The following FLACC1 variants were observed in gnomAD, a reference collection of about 807,000 sequenced individuals.
The protein encoded by FLACC1 is flagellum-associated coiled-coil domain-containing protein 1.
FLACC1 carries 66 observed loss-of-function variants against 62.8 expected under a neutral mutation model. That is an observed-to-expected ratio of 1.05 (90% CI 0.86 to 1.29). The LOEUF (loss-of-function observed/expected upper bound fraction) is 1.29, where lower values mean the gene tolerates loss of function less well. Ranked by LOEUF, FLACC1 falls within the 50% of genes most tolerant of loss-of-function variation. The pLI is 0.00. For synonymous variants in FLACC1, 156 were observed against 161.0 expected, an observed-to-expected ratio of 0.97 and a Z score of 0.24; for missense variants, 452 against 489.1, an observed-to-expected ratio of 0.92 and a Z score of 0.71.
At chr2:201,330,151 C>A (rs1950563255) in intron 9 of FLACC1, among the ~76,000 whole-genome samples, 1 of 152,176 alleles carries the variant, frequency 6.6e-6, no homozygotes, top group South Asian at 2.1e-4. Flanking sequence ...GCAGTTCTAA[C>A]AAAGTACAAA....
intron 12 of FLACC1, 42 bp downstream of exon 12, chr2:201,299,196 T>C (rs1421487051): frequency 6.4e-7 from 1 of 1,558,690 alleles, no homozygotes; most frequent in East Asian, 2.2e-5. Flanking sequence ...ATTGGTGTAT[T>C]TGTAATATAC....
intron 11 of FLACC1, among the ~76,000 whole-genome samples, chr2:201,304,347 T>A (rs1174887445): frequency 2.0e-5 from 3 of 151,896 alleles, no homozygotes; most frequent in Non-Finnish European, 4.4e-5. Flanking sequence ...TCAAAGAGAA[T>A]AAAATACCTA....
intron 5 of FLACC1, 41 bp from the exon 6 acceptor site, chr2:201,344,304 C>T (rs1355031277): frequency 6.6e-7 from 1 of 1,512,508 alleles, no homozygotes; most frequent in South Asian, 1.1e-5. Flanking sequence ...CAAAGCTTAC[C>T]ATTCCATGCC....
rs1020962237 is a variant in FLACC1, at chr2:201,307,647, T to C, written c.776-25A>G. 4 of 1,520,156 alleles carry C rather than the reference T, an allele frequency of 2.6e-6. No homozygotes were observed. In the African/African-American group the frequency reaches 4.1e-5, roughly 16 times the overall value. The allele number at this position is 1,520,156 out of a possible 1,614,324, so 94.2% of individuals were successfully genotyped here. ...TCTGTGGAAGTGACAGGAAAGCACA[T>C]ATATGTGTAAAGATGGGAAAAGCAG... On this transcript the variant is annotated intron_variant, in intron 10 of 14. Transcript: ENST00000392257.
intron 7 of FLACC1, among the ~76,000 whole-genome samples, chr2:201,331,293 C>A (rs1383006445): frequency 6.6e-6 from 1 of 152,042 alleles, no homozygotes; most frequent in Non-Finnish European, 1.5e-5. Flanking sequence ...CTTCCTGAAG[C>A]ATTATCCTGG....
intron 7 of FLACC1, among the ~76,000 whole-genome samples, chr2:201,331,962 G>A (rs1292931784): frequency 1.3e-5 from 2 of 152,156 alleles, no homozygotes; most frequent in East Asian, 3.8e-4. Context: ...GGGGCAGTAA[G>A]TATATGGGAA....
intron 7 of FLACC1, among the ~76,000 whole-genome samples, chr2:201,336,461 A>G (rs1290305344): frequency 6.6e-6 from 1 of 152,194 alleles, no homozygotes; most frequent in Non-Finnish European, 1.5e-5. Context: ...TAGTGATGTG[A>G]TGAACAAACG....
At chr2:201,313,367 G>C (rs899915185) in intron 9 of FLACC1, among the ~76,000 whole-genome samples, 1 of 152,160 alleles carries the variant, frequency 6.6e-6, no homozygotes, top group East Asian at 1.9e-4. Context: ...GTACTACTGG[G>C]TTGGGGGCAT....
chr2:201,332,721 AC>A (rs1950618947), intron 7 of FLACC1, among the ~76,000 whole-genome samples: 1 of 144,400 alleles, frequency 6.9e-6, no homozygotes, highest in Admixed American at 7.0e-5. Flanking sequence ...TATTCCCCCC[AC>A]CCCCTAGTCT....
intron 9 of FLACC1, among the ~76,000 whole-genome samples, chr2:201,309,925 A>AAAAAAAAAAAAAAAAAAAAACAAG (rs764506462): frequency 1.0e-5 from 1 of 99,392 alleles, no homozygotes; most frequent in Non-Finnish European, 2.3e-5. Context: ...AAAAAAAAAA[A>AAAAAAAAAAAAAAAAAAAAACAAG]AAGAAGAAGA....
chr2:201,330,823 C>T lies in FLACC1; in HGVS notation c.535G>A (p.Glu179Lys). ...NFENKNRELKEAHEAELSELE... is the reference protein window; with the variant it reads ...NFENKNRELKKAHEAELSELE... The stretch of plus-strand genomic sequence containing the variant: ...TCACTGAGTTCTGCTTCATGGGCCT[C>T]TTTGAGCTCCCTGTGGGACCCCAGG... Residue 179 changes from glutamate (E) to lysine (K), a missense_variant, in exon 8 of 15, where the codon GAG becomes AAG. Physicochemically the swap from Glu to Lys is moderately conservative, Grantham distance 56 (BLOSUM62 1). This residue lies in a region of FLACC1 where 301 missense variants were observed against 318.4 expected (regional missense o/e 0.95). Transcript: ENST00000392257. 6.2e-7 allele frequency: 1 copy of T among 1,613,080 alleles called. No individual in the cohort carries two copies. The highest frequency in any genetic ancestry group is 1.3e-5 in the African/African-American group (1 of 75,008).
chr2:201,297,546 G>C (rs746908413), intron 12 of FLACC1, among the ~76,000 whole-genome samples: 5 of 152,218 alleles, frequency 3.3e-5, no homozygotes, highest in Admixed American at 6.5e-5. Flanking sequence ...GTTGCAAGGA[G>C]AGAATGATCA....
At chr2:201,325,202 C>T (rs766873122) in intron 9 of FLACC1, among the ~76,000 whole-genome samples, 11 of 152,014 alleles carry the variant, frequency 7.2e-5, no homozygotes, top group Non-Finnish European at 1.3e-4. Flanking sequence ...TAGTGCTAAA[C>T]GCCTGCATCA....
chr2:201,292,396 T>C (rs949121987), intron 12 of FLACC1, among the ~76,000 whole-genome samples: 6 of 152,214 alleles, frequency 3.9e-5, no homozygotes, highest in Non-Finnish European at 8.8e-5. Context: ...AAAAGAATTT[T>C]CAACCCAGAA....
At position 201,288,674 on chromosome 2, in the gene FLACC1, T is replaced by C; in HGVS notation, c.1250A>G (p.Lys417Arg). 1 of 1,614,002 alleles carries C rather than the reference T, an allele frequency of 6.2e-7. No individual in the cohort carries two copies. Among genetic ancestry groups the C allele is most frequent in the Non-Finnish European group, 8.5e-7 (1 of 1,179,936 alleles). Residue 417 changes from lysine to arginine, a missense_variant, in exon 15 of 15, where the codon AAG becomes AGG. Physicochemically the swap from Lys to Arg is conservative, Grantham distance 26. Around this residue, in one of 3 missense-constraint regions of FLACC1, gnomAD observed 301 missense variants for 318.4 expected, o/e 0.95. Coordinates refer to ENST00000392257, the MANE Select transcript of FLACC1 (RefSeq NM_001127391.3). ...DDSDTVQDGSKKGQES is the reference protein window; with the variant it reads ...DDSDTVQDGSRKGQES The stretch of plus-strand genomic sequence containing the variant: ...TTTTGTTTATGATTCTTGTCCTTTC[T>C]TGCTACCATCTTGCACAGTGTCAGA...
Position 201,288,659 on chromosome 2 carries a change from G to A in FLACC1, c.1265C>T (p.Ser422Leu). The A allele has an allele frequency of 6.2e-7, 1 of 1,613,114 alleles. No homozygotes were observed. Among genetic ancestry groups the A allele is most frequent in the South Asian group, 1.1e-5 (1 of 90,920 alleles). ...VQDGSKKGQE[S>L] The stretch of plus-strand genomic sequence containing the variant: ...CAATGCAGAGCAACTTTTTGTTTAT[G>A]ATTCTTGTCCTTTCTTGCTACCATC... Residue 422 changes from serine (S) to leucine (L), a missense_variant, in exon 15 of 15, where the codon TCA becomes TTA. This residue lies in a region of FLACC1 where 301 missense variants were observed against 318.4 expected (regional missense o/e 0.95). Coordinates refer to ENST00000392257, the MANE Select transcript of FLACC1 (RefSeq NM_001127391.3).
At chr2:201,317,411 A>T (rs922624319) in intron 9 of FLACC1, among the ~76,000 whole-genome samples, 2 of 152,222 alleles carry the variant, frequency 1.3e-5, no homozygotes, top group Non-Finnish European at 2.9e-5. Flanking sequence ...GACAGCGACT[A>T]AGGTGAAAAT....
rs770915147 is a variant in FLACC1, at chr2:201,344,259, T to C, written c.373A>G (p.Asn125Asp). Residue 125 changes from asparagine (N) to aspartate (D), a missense_variant, in exon 6 of 15, where the codon AAC (asparagine) becomes GAC (aspartate). Physicochemically the swap from Asn to Asp is conservative, Grantham distance 23 (BLOSUM62 1). Around this residue, in one of 3 missense-constraint regions of FLACC1, gnomAD observed 147 missense variants for 152.7 expected, o/e 0.96. Coordinates refer to ENST00000392257, the MANE Select transcript of FLACC1 (RefSeq NM_001127391.3). Reference sequence around the variant, plus strand: ...TGCTCTTCTAGGTCAGAAATGATGTTGGTCCTGTAGGAGAAGTAATTCTTC... The same window carrying C: ...TGCTCTTCTAGGTCAGAAATGATGTCGGTCCTGTAGGAGAAGTAATTCTTC... Reference protein sequence around the residue: ...IPDKGRFSRTNIISDLEEQIS... With the variant: ...IPDKGRFSRTDIISDLEEQIS... 1.2e-6 allele frequency: 2 copies of C among 1,610,520 alleles called. No homozygotes were observed. The highest frequency in any genetic ancestry group is 1.7e-6 in the Non-Finnish European group (2 of 1,176,824).
At chr2:201,312,035 A>G (rs1299291198) in intron 9 of FLACC1, among the ~76,000 whole-genome samples, 1 of 152,106 alleles carries the variant, frequency 6.6e-6, no homozygotes, top group Non-Finnish European at 1.5e-5. Flanking sequence ...AAGGATGCCC[A>G]CTCTCACCTC....
Sources: allele counts gnomAD v4.1 joint callset (sites outside exome capture counted in the v4.1 genomes callset), GRCh38; gene constraint gnomAD v4.1.1; regional missense constraint gnomAD v4.1.1; transcripts MANE v1.5; gene names NCBI Gene and HGNC (gene_info 2026-07-23, HGNC 2026-07-21).